Variants in BMP10 observed in about 807,000 individuals in gnomAD.
BMP10 encodes the protein bone morphogenetic protein 10.
A neutral mutation model predicts 29.9 loss-of-function variants in BMP10; 9 were observed. The ratio of observed to expected loss-of-function variants is 0.30; its 90% CI spans 0.18 to 0.53. The LOEUF is 0.53. Among genes scored for constraint, BMP10 ranks in the 20% least tolerant of loss-of-function variants. The pLI is 0.96. For missense variants in BMP10, 474 were observed against 524.3 expected (o/e 0.90, Z 0.94); for synonymous variants, 202 against 200.2 (o/e 1.01, Z -0.07).
rs1254426635 is a variant in BMP10, at chr2:68,863,545, C to G, written c.*2086G>C. Among the ~76,000 whole-genome samples, 1 of 152,182 alleles carries G rather than the reference C, an allele frequency of 6.6e-6. No individual in the cohort carries two copies. Among genetic ancestry groups the G allele is most frequent in the Non-Finnish European group, 1.5e-5 (1 of 68,018 alleles). On this transcript the variant is annotated 3_prime_UTR_variant, in exon 2 of 2. Transcript: ENST00000295379. ...TATTCAAAGCCAGCTATACATCACA[C>G]ACACATACACACATCATGTTATATG...
chr2:68,867,037 C>T (rs1212645065), intron 1 of BMP10, among the ~76,000 whole-genome samples: 2 of 152,090 alleles, frequency 1.3e-5, no homozygotes, highest in Non-Finnish European at 2.9e-5. Context: ...GAGATCCCCG[C>T]ACAGTTGGCT....
intron 1 of BMP10, among the ~76,000 whole-genome samples, chr2:68,869,165 G>A (rs748146722): frequency 6.6e-6 from 1 of 152,072 alleles, no homozygotes; most frequent in Non-Finnish European, 1.5e-5. Flanking sequence ...TTCTCTACTC[G>A]TTTTGCACCA....
rs1682869200 is a variant in BMP10 at position 68,862,134 on chromosome 2, C to A, written c.*3497G>T. On this transcript the variant is annotated 3_prime_UTR_variant, in exon 2 of 2. Coordinates refer to ENST00000295379, the MANE Select transcript of BMP10 (RefSeq NM_014482.3). ...AAACTGACAACATCACTTTATGAAA[C>A]TGCATGACAATGTATTGGTTAAATA... 6.6e-6 allele frequency among the ~76,000 whole-genome samples: 1 copy of A among 152,208 alleles called. No homozygotes were observed. The highest frequency in any genetic ancestry group is 2.4e-5 in the African/African-American group (1 of 41,452).
rs1340744633 is a variant in BMP10, at chr2:68,863,297, G to T, written c.*2334C>A. Among the ~76,000 whole-genome samples the T allele has an allele frequency of 6.6e-6, 1 of 152,200 alleles. No homozygotes were observed. The highest frequency in any genetic ancestry group is 1.5e-5 in the Non-Finnish European group (1 of 68,018). On this transcript the variant is annotated 3_prime_UTR_variant, in exon 2 of 2. Transcript: ENST00000295379. ...TTTTTCTCCCCCTGGATTGCTGGTT[G>T]TAAGGGTTTTACCAGCACACCACTG... is the stretch of plus-strand genomic sequence containing the variant.
intron 1 of BMP10, among the ~76,000 whole-genome samples, chr2:68,867,008 T>C (rs1219144569): frequency 6.6e-6 from 1 of 152,152 alleles, no homozygotes; most frequent in Non-Finnish European, 1.5e-5. Context: ...TTTTTTAATA[T>C]TTGTGTTTGT....
Position 68,861,769 on chromosome 2 carries a change from C to T in BMP10, c.*3862G>A, listed in dbSNP as rs749965879. The stretch of plus-strand genomic sequence containing the variant: ...TTTACTTGAAGAATATAAATCATAA[C>T]AAATACTGAAACATTTAGTAACAGT... On this transcript the variant is annotated 3_prime_UTR_variant, in exon 2 of 2. Transcript: ENST00000295379. Among the ~76,000 whole-genome samples, 6 of 151,948 alleles carry T rather than the reference C, an allele frequency of 3.9e-5. No individual in the cohort carries two copies. The highest frequency in any genetic ancestry group is 3.9e-4 in the Admixed American group (6 of 15,238).
rs775327640 is a variant in BMP10 at position 68,871,296 on chromosome 2, G to T, written c.63C>A (p.Gly21=). The T allele has an allele frequency of 2.4e-5, 38 of 1,614,016 alleles. No homozygotes were observed. The highest frequency in any genetic ancestry group is 3.1e-5 in the Non-Finnish European group (36 of 1,180,012). Residue 21 remains glycine, a synonymous_variant, in exon 1 of 2, where the codon GGC becomes GGA. Transcript: ENST00000295379. ...LFCLAAYLVS[G]SPIMNLEQSP... ...ACTGCTCTAGGTTCATGATGGGGCT[G>T]CCAGAAACCAAGTAAGCTGCCAGGC...
rs1011916070 is a variant in BMP10 at position 68,865,135 on chromosome 2, A to G, written c.*496T>C. ...CTCAACTGACAAAAGCTACACTTAC[A>G]TTTCCAGAGTATTTAGGAAGGGTAA... On this transcript the variant is annotated 3_prime_UTR_variant, in exon 2 of 2. Coordinates refer to ENST00000295379, the MANE Select transcript of BMP10 (RefSeq NM_014482.3). The surrounding 1 kb of genome is among the most constrained non-coding windows in gnomAD (Gnocchi z 4.7). 3.9e-5 allele frequency among the ~76,000 whole-genome samples: 6 copies of G among 152,194 alleles called. No individual in the cohort carries two copies. The highest frequency in any genetic ancestry group is 5.9e-5 in the Non-Finnish European group (4 of 68,018).
rs985899456 is a variant in BMP10, at chr2:68,863,562, T to C, written c.*2069A>G. Among the ~76,000 whole-genome samples the C allele has an allele frequency of 3.7e-4, 57 of 152,278 alleles. No individual in the cohort carries two copies. Among genetic ancestry groups the C allele is most frequent in the African/African-American group, 1.3e-3 (54 of 41,570 alleles). ...ACATCACACACACATACACACATCA[T>C]GTTATATGGAGGCTGTTCCACAAAT... On this transcript the variant is annotated 3_prime_UTR_variant, in exon 2 of 2. Transcript: ENST00000295379.
chr2:68,861,703 A>G lies in BMP10; in HGVS notation c.*3928T>C, dbSNP rs932194987. 3.3e-5 allele frequency among the ~76,000 whole-genome samples: 5 copies of G among 152,268 alleles called. No homozygotes were observed. The highest frequency in any genetic ancestry group is 1.2e-4 in the African/African-American group (5 of 41,478). ...GGCTTCATAATCTGTTGATGAATCAAGTAAGAAGAATACATAAAATTCTCT... is the reference window on the plus strand; with the variant it reads ...GGCTTCATAATCTGTTGATGAATCAGGTAAGAAGAATACATAAAATTCTCT... On this transcript the variant is annotated 3_prime_UTR_variant, in exon 2 of 2. Transcript: ENST00000295379.
rs933816141 is a variant in BMP10 at position 68,864,725 on chromosome 2, C to G, written c.*906G>C. 6.6e-6 allele frequency among the ~76,000 whole-genome samples: 1 copy of G among 152,182 alleles called. No individual in the cohort carries two copies. The highest frequency in any genetic ancestry group is 2.4e-5 in the African/African-American group (1 of 41,434). On this transcript the variant is annotated 3_prime_UTR_variant, in exon 2 of 2. Coordinates refer to ENST00000295379, the MANE Select transcript of BMP10 (RefSeq NM_014482.3). ...TTAGTCTTTGATACTTCTATTTTGTCCAAAAGATTTAATTCTTTAAACAGA... is the reference window on the plus strand; with the variant it reads ...TTAGTCTTTGATACTTCTATTTTGTGCAAAAGATTTAATTCTTTAAACAGA...
chr2:68,869,263 C>CT (rs1026143039), intron 1 of BMP10, among the ~76,000 whole-genome samples: 6 of 91,204 alleles, frequency 6.6e-5, no homozygotes, highest in Admixed American at 1.3e-4. Flanking sequence ...GGAGGTGGCA[C>CT]TTTTTTTTCC....
rs1407937443 is a variant in BMP10 at position 68,864,573 on chromosome 2, A to G, written c.*1058T>C. On this transcript the variant is annotated 3_prime_UTR_variant, in exon 2 of 2. Coordinates refer to ENST00000295379, the MANE Select transcript of BMP10 (RefSeq NM_014482.3). Reference sequence around the variant, plus strand: ...TGAGAGGCACTAGGGCCAAGAAGAAAGAGGGAAGGAAGAAGATGGAGCAGA... The same window carrying G: ...TGAGAGGCACTAGGGCCAAGAAGAAGGAGGGAAGGAAGAAGATGGAGCAGA... Among the ~76,000 whole-genome samples, 1 of 152,106 alleles carries G rather than the reference A, an allele frequency of 6.6e-6. No individual in the cohort carries two copies. Among genetic ancestry groups the G allele is most frequent in the Non-Finnish European group, 1.5e-5 (1 of 68,012 alleles).
At position 68,871,280 on chromosome 2, in the gene BMP10, G is replaced by C. The variant is rs374181309; in HGVS notation, c.79C>G (p.Leu27Val). 1.9e-6 allele frequency: 3 copies of C among 1,614,150 alleles called. No homozygotes were observed. The highest frequency in any genetic ancestry group is 2.5e-6 in the Non-Finnish European group (3 of 1,180,002). ...TCTTCTTCCAGAGGAGACTGCTCTAGGTTCATGATGGGGCTGCCAGAAACC... is the reference window on the plus strand; with the variant it reads ...TCTTCTTCCAGAGGAGACTGCTCTACGTTCATGATGGGGCTGCCAGAAACC... ...YLVSGSPIMN[L>V]EQSPLEEDMS... is the part of the protein sequence containing the mutation. Residue 27 changes from leucine to valine, a missense_variant, in exon 1 of 2, where the codon CTA becomes GTA. Coordinates refer to ENST00000295379, the MANE Select transcript of BMP10 (RefSeq NM_014482.3).
chr2:68,861,462 C>A lies in BMP10; in HGVS notation c.*4169G>T, dbSNP rs1343320961. Among the ~76,000 whole-genome samples the A allele has an allele frequency of 6.6e-6, 1 of 152,216 alleles. No homozygotes were observed. The highest frequency in any genetic ancestry group is 1.5e-5 in the Non-Finnish European group (1 of 68,030). On this transcript the variant is annotated 3_prime_UTR_variant, in exon 2 of 2. Transcript: ENST00000295379. ...ACTTCTCTTCCATAGTCACATCTAC[C>A]TTCCATTTAATGTAGGAAATCAACT...
Position 68,865,172 on chromosome 2 carries a change from A to G in BMP10, c.*459T>C, listed in dbSNP as rs187502210. Among the ~76,000 whole-genome samples the G allele has an allele frequency of 2.3e-4, 35 of 152,348 alleles. No individual in the cohort carries two copies. The highest frequency in any genetic ancestry group is 3.8e-4 in the Non-Finnish European group (26 of 68,024). ...TTTAGGAAGGGTAATACTTCCTAGG[A>G]TGATTAAAACCCTGATGTCAATTAT... is the stretch of plus-strand genomic sequence containing the variant. On this transcript the variant is annotated 3_prime_UTR_variant, in exon 2 of 2. Coordinates refer to ENST00000295379, the MANE Select transcript of BMP10 (RefSeq NM_014482.3). This position sits in a 1 kb window ranked among gnomAD's most constrained non-coding sequence, Gnocchi z 4.7.
At chr2:68,869,238 C>CTAGGAATTGAGGGCAA (rs1558686241) in intron 1 of BMP10, among the ~76,000 whole-genome samples, 1 of 24,458 alleles carries the variant, frequency 4.1e-5, no homozygotes, top group Non-Finnish European at 7.8e-5. Flanking sequence ...TAAAGGAGCA[C>CTAGGAATTGAGGGCAA]GCTTTTTTCA....
Position 68,861,062 on chromosome 2 carries a change from T to C in BMP10, c.*4569A>G, listed in dbSNP as rs1682845753. On this transcript the variant is annotated 3_prime_UTR_variant, in exon 2 of 2. Coordinates refer to ENST00000295379, the MANE Select transcript of BMP10 (RefSeq NM_014482.3). ...CTGCAAATAATTATCACCAAAATAA[T>C]TTTTTTATTTTACTTAAAAAGACTC... 6.6e-6 allele frequency among the ~76,000 whole-genome samples: 1 copy of C among 152,204 alleles called. No homozygotes were observed. The highest frequency in any genetic ancestry group is 2.4e-5 in the African/African-American group (1 of 41,450).
chr2:68,869,562 AC>A (rs1683032416), intron 1 of BMP10, among the ~76,000 whole-genome samples: 1 of 152,160 alleles, frequency 6.6e-6, no homozygotes, highest in Admixed American at 6.5e-5. Flanking sequence ...AGAACGGAAA[AC>A]GTTTCTAGTT....
Sources: gnomAD v4.1 joint callset for allele counts (sites outside exome capture counted in the v4.1 genomes callset) on GRCh38, gnomAD v4.1.1 for gene constraint, Gnocchi (gnomAD v3.1) non-coding constraint, MANE v1.5 for transcripts, NCBI Gene and HGNC (gene_info 2026-07-23, HGNC 2026-07-21) for gene names.